Variants in SUPT16H observed in about 807,000 individuals in gnomAD.
SUPT16H encodes the protein SPT16 homolog, facilitates chromatin remodeling subunit.
A neutral mutation model predicts 136.2 loss-of-function variants in SUPT16H; 24 were observed. The ratio of observed to expected loss-of-function variants is 0.18; its 90% CI spans 0.13 to 0.25. The LOEUF is 0.25. Among genes scored for constraint, SUPT16H ranks in the 10% least tolerant of loss-of-function variants. The pLI, the probability that SUPT16H is intolerant of heterozygous loss-of-function variation, is 1.00. For synonymous variants in SUPT16H, 415 were observed against 428.2 expected (o/e 0.97, Z 0.38); for missense variants, 623 against 1,270.2 (o/e 0.49, Z 7.74).
At chr14:21,367,283 T>C (rs575119650) in intron 7 of SUPT16H, among the ~76,000 whole-genome samples, 7 of 152,318 alleles carry the variant, frequency 4.6e-5, no homozygotes, top group African/African-American at 1.7e-4. Flanking sequence ...AGGAGGACAG[T>C]GGTCTTAATA....
Position 21,363,100 on chromosome 14 carries a change from G to A in SUPT16H, c.1445C>T (p.Ala482Val), listed in dbSNP as rs868595377. Residue 482 changes from alanine (A) to valine (V), a missense_variant, in exon 13 of 26, where the codon GCG becomes GTG. Ala to Val is a moderately conservative substitution (Grantham distance 64). Transcript: ENST00000216297. Reference protein sequence around the residue: ...EKRRAHQKELAAQLNEEAKRR... With the variant: ...EKRRAHQKELVAQLNEEAKRR... ...CTTTGCTTCTTCATTGAGTTGAGCC[G>A]CTAGTTCTTTCTGATGTGCTCTTCG... 1.2e-6 allele frequency: 2 copies of A among 1,613,690 alleles called. No individual in the cohort carries two copies. Among genetic ancestry groups the A allele is most frequent in the Non-Finnish European group, 8.5e-7 (1 of 1,179,998 alleles).
At chr14:21,359,757 G>A in intron 18 of SUPT16H, 148 bp from the exon 19 acceptor site, 1 of 919,220 alleles carries the variant, frequency 1.1e-6, no homozygotes, top group Non-Finnish European at 1.6e-6. Flanking sequence ...ATGATGCTTG[G>A]GAATGGAAAC....
intron 10 of SUPT16H, among the ~76,000 whole-genome samples, chr14:21,363,943 T>C (rs747824173): frequency 4.0e-4 from 61 of 152,304 alleles, no homozygotes; most frequent in Non-Finnish European, 7.2e-4. Flanking sequence ...CCTCCGAAAG[T>C]GCTAGGATTA....
At chr14:21,363,374 G>T in intron 11 of SUPT16H, 46 bp from the exon 12 acceptor site, 1 of 1,602,484 alleles carries the variant, frequency 6.2e-7, no homozygotes, top group Non-Finnish European at 8.5e-7. Context: ...AATTATTTTA[G>T]CCAATATTAT....
chr14:21,374,843 C>G (rs944556786), intron 1 of SUPT16H, among the ~76,000 whole-genome samples: 2 of 152,174 alleles, frequency 1.3e-5, no homozygotes, highest in Non-Finnish European at 2.9e-5. Context: ...AGATGAACTG[C>G]TGGGTCATAT....
intron 15 of SUPT16H, among the ~76,000 whole-genome samples, chr14:21,361,630 T>C (rs950548440): frequency 2.6e-5 from 4 of 152,208 alleles, no homozygotes; most frequent in Non-Finnish European, 1.5e-5. Flanking sequence ...CCTTCTTTTT[T>C]CATTTTTCAA....
intron 3 of SUPT16H, 119 bp from the exon 4 acceptor site, chr14:21,370,607 C>A: frequency 9.0e-7 from 1 of 1,108,910 alleles, no homozygotes; most frequent in Non-Finnish European, 1.3e-6. Context: ...TCCTCCCATC[C>A]CCACCTACTT....
At chr14:21,368,700 T>C (rs1886724287) in intron 6 of SUPT16H, among the ~76,000 whole-genome samples, 6 of 152,182 alleles carry the variant, frequency 3.9e-5, no homozygotes, top group Admixed American at 2.6e-4. Flanking sequence ...AAAATGCAAA[T>C]GATATCCTGA....
intron 10 of SUPT16H, 95 bp from the exon 11 acceptor site, chr14:21,363,598 G>A: frequency 9.5e-7 from 1 of 1,058,050 alleles, no homozygotes; most frequent in Non-Finnish European, 1.4e-6. Context: ...GAATCTTTTG[G>A]ACACTAAAAT....
rs560026508 is a variant in SUPT16H at position 21,371,146 on chromosome 14, A to G, written c.331-658T>C. Among the ~76,000 whole-genome samples the G allele has an allele frequency of 1.9e-4, 29 of 152,220 alleles. 1 individual carries two copies. The highest frequency in any genetic ancestry group is 6.7e-4 in the African/African-American group (28 of 41,548). On this transcript the variant is annotated intron_variant, in intron 3 of 25. Coordinates refer to ENST00000216297, the MANE Select transcript of SUPT16H (RefSeq NM_007192.4). ...CTCGGCCTCTCAAAGTATTGGGATT[A>G]CAGCCATGAGCCACCATGCCTGGCC...
intron 3 of SUPT16H, 31 bp from the exon 4 acceptor site, chr14:21,370,519 TATGTTTTACCAGTTCATTAGAC>T: frequency 1.9e-6 from 3 of 1,610,990 alleles, no homozygotes; most frequent in Non-Finnish European, 2.5e-6. Context: ...AAAAGACACA[TATGTTTTACCAGTTCATTAGAC>T]ACGTTTTACC....
intron 1 of SUPT16H, among the ~76,000 whole-genome samples, chr14:21,379,743 G>A (rs1184014194): frequency 6.6e-6 from 1 of 152,104 alleles, no homozygotes; most frequent in Non-Finnish European, 1.5e-5. Context: ...AATTGGTCAA[G>A]TGTTGTGGCA....
At chr14:21,374,267 G>A (rs1886852052) in intron 1 of SUPT16H, among the ~76,000 whole-genome samples, 1 of 152,242 alleles carries the variant, frequency 6.6e-6, no homozygotes, top group Non-Finnish European at 1.5e-5. Context: ...GAAAGCACTG[G>A]AAGCCATGGT....
intron 15 of SUPT16H, among the ~76,000 whole-genome samples, chr14:21,361,789 A>G (rs551473681): frequency 2.6e-5 from 4 of 151,784 alleles, no homozygotes; most frequent in Non-Finnish European, 5.9e-5. Flanking sequence ...TTTTTGAGAC[A>G]AGGTCTCGTT....
intron 8 of SUPT16H, among the ~76,000 whole-genome samples, chr14:21,365,365 C>T (rs61141661): frequency 0.021 from 3,156 of 152,266 alleles, 111 homozygotes; most frequent in African/African-American, 0.073. Context: ...TTGATTATAT[C>T]GAGCCTTTTT....
Position 21,383,916 on chromosome 14 carries a change from A to T in SUPT16H, c.12T>A (p.Thr4=), listed in dbSNP as rs763002389. Residue 4 remains threonine (T), a synonymous_variant, in exon 1 of 26, where the codon ACT becomes ACA. Transcript: ENST00000216297. The stretch of plus-strand genomic sequence containing the variant: ...GCCGATAATAAGCGTCTTTGTCCAG[A>T]GTCACAGCCATAGCCCCGGACGCCG... MAV[T]LDKDAYYRRV... is the part of the protein sequence containing the mutation. 5 of 1,612,594 alleles carry T rather than the reference A, an allele frequency of 3.1e-6. No homozygotes were observed. Among genetic ancestry groups the T allele is most frequent in the Non-Finnish European group, 4.2e-6 (5 of 1,180,006 alleles).
intron 1 of SUPT16H, among the ~76,000 whole-genome samples, chr14:21,381,229 A>G (rs1026891061): frequency 3.3e-5 from 5 of 152,218 alleles, no homozygotes; most frequent in South Asian, 2.1e-4. Context: ...ATTTCTATTC[A>G]GTTAAAAGTA....
chr14:21,368,857 C>T (rs990440210), intron 6 of SUPT16H, among the ~76,000 whole-genome samples: 1 of 151,806 alleles, frequency 6.6e-6, no homozygotes, highest in African/African-American at 2.4e-5. Flanking sequence ...TATGTGGGAA[C>T]TAAAAAATTG....
chr14:21,379,416 G>A (rs1227284970), intron 1 of SUPT16H, among the ~76,000 whole-genome samples: 3 of 145,704 alleles, frequency 2.1e-5, no homozygotes, highest in Non-Finnish European at 3.0e-5. Flanking sequence ...AGCCTGGGTG[G>A]CACAGTCAGA....
Sources: gnomAD v4.1 joint callset for allele counts (sites outside exome capture counted in the v4.1 genomes callset) on GRCh38, gnomAD v4.1.1 for gene constraint, MANE v1.5 for transcripts, NCBI Gene and HGNC (gene_info 2026-07-23, HGNC 2026-07-21) for gene names.